The following EXOC4 variants were observed in gnomAD, a reference collection of about 807,000 sequenced individuals.
The protein encoded by EXOC4 is exocyst complex component 4.
In EXOC4, 71 loss-of-function variants were observed where a neutral mutation model predicts 107.2. The ratio of observed to expected loss-of-function variants is 0.66; its 90% CI spans 0.55 to 0.81. The LOEUF is 0.81. Ranked by LOEUF, EXOC4 falls within the 30% of genes least tolerant of loss-of-function variation. The probability of loss-of-function intolerance (pLI) is 0.00; values close to 1 mark genes in which losing one functional copy is unlikely to be tolerated. For synonymous variants in EXOC4, 456 were observed against 441.2 expected, an observed-to-expected ratio of 1.03 and a Z score of -0.42; for missense variants, 1,108 against 1,189.6, an observed-to-expected ratio of 0.93 and a Z score of 1.01.
chr7:134,005,689 C>G (rs187145595), intron 16 of EXOC4, among the ~76,000 whole-genome samples: 1 of 152,184 alleles, frequency 6.6e-6, no homozygotes, highest in Admixed American at 6.5e-5. Flanking sequence ...TGAATTTCAC[C>G]CAGAGGATCC....
At chr7:133,282,616 T>C (rs1021357295) in intron 2 of EXOC4, among the ~76,000 whole-genome samples, 5 of 152,220 alleles carry the variant, frequency 3.3e-5, no homozygotes, top group African/African-American at 1.2e-4. Flanking sequence ...ATAGCCCTGT[T>C]CCTATTAAAA....
At chr7:133,481,802 G>C (rs1298257713) in intron 9 of EXOC4, among the ~76,000 whole-genome samples, 1 of 152,190 alleles carries the variant, frequency 6.6e-6, no homozygotes, top group Admixed American at 6.5e-5. Context: ...AGTACAGACT[G>C]TCATTAGACC....
At chr7:133,937,222 C>A (rs995133764) in intron 13 of EXOC4, among the ~76,000 whole-genome samples, 1 of 152,128 alleles carries the variant, frequency 6.6e-6, no homozygotes, top group Non-Finnish European at 1.5e-5. Context: ...AGATATTGGG[C>A]TCTGCGTGAA....
intron 3 of EXOC4, among the ~76,000 whole-genome samples, chr7:133,293,087 G>A (rs1794443337): frequency 2.0e-5 from 3 of 152,224 alleles, no homozygotes; most frequent in East Asian, 3.9e-4. Context: ...ACATTTGTTA[G>A]CTTATTTCTT....
chr7:133,301,743 G>T (rs960141577), intron 3 of EXOC4, among the ~76,000 whole-genome samples: 1 of 151,952 alleles, frequency 6.6e-6, no homozygotes, highest in Admixed American at 6.6e-5. Flanking sequence ...TACTGATGTC[G>T]TTTATCTTTG....
intron 9 of EXOC4, among the ~76,000 whole-genome samples, chr7:133,610,692 T>C (rs568319452): frequency 6.6e-6 from 1 of 152,294 alleles, no homozygotes; most frequent in South Asian, 2.1e-4. Context: ...ACTCTTGTGA[T>C]TGCCTCACAG....
chr7:133,512,550 G>T (rs189936415), intron 9 of EXOC4, among the ~76,000 whole-genome samples: 2 of 152,236 alleles, frequency 1.3e-5, no homozygotes, highest in East Asian at 3.9e-4. Flanking sequence ...GCAAGAAAGG[G>T]CATGCCAAAC....
At chr7:133,587,843 A>G (rs1260865049) in intron 9 of EXOC4, among the ~76,000 whole-genome samples, 1 of 152,198 alleles carries the variant, frequency 6.6e-6, no homozygotes, top group Non-Finnish European at 1.5e-5. Flanking sequence ...TGTTGTTGCT[A>G]TTGCTTTTGT....
intron 10 of EXOC4, among the ~76,000 whole-genome samples, chr7:133,716,585 A>C (rs539123247): frequency 4.6e-5 from 7 of 152,270 alleles, no homozygotes; most frequent in East Asian, 1.9e-4. Flanking sequence ...AAATGCCCCC[A>C]AAAAAGAGCT....
chr7:133,911,162 T>C (rs1372636344), intron 12 of EXOC4, among the ~76,000 whole-genome samples: 1 of 152,186 alleles, frequency 6.6e-6, no homozygotes, highest in East Asian at 1.9e-4. Flanking sequence ...CTGTGGCTCA[T>C]TGAGCTGTGA....
At chr7:133,834,580 C>A (rs2151241771) in intron 11 of EXOC4, among the ~76,000 whole-genome samples, 1 of 152,296 alleles carries the variant, frequency 6.6e-6, no homozygotes, top group East Asian at 1.9e-4. Context: ...TCCTTTGTTC[C>A]AGTGTTCAAT....
At chr7:133,464,811 GTTTTTT>G (rs3046149) in intron 7 of EXOC4, among the ~76,000 whole-genome samples, 12 of 51,300 alleles carry the variant, frequency 2.3e-4, no homozygotes, top group African/African-American at 8.3e-4. Flanking sequence ...GGTTGGGTTG[GTTTTTT>G]TTTTTTTTTT....
intron 10 of EXOC4, among the ~76,000 whole-genome samples, chr7:133,803,198 T>C (rs1188308194): frequency 1.3e-5 from 2 of 152,208 alleles, no homozygotes; most frequent in African/African-American, 2.4e-5. Context: ...GCAAGTTTTA[T>C]CTGAGCCAGA....
chr7:134,032,823 A>G (rs1465705995), intron 17 of EXOC4, among the ~76,000 whole-genome samples: 1 of 152,232 alleles, frequency 6.6e-6, no homozygotes, highest in African/African-American at 2.4e-5. Context: ...GGTAACAAAT[A>G]AGCAATATTC....
At chr7:133,365,599 C>T (rs1796233265) in intron 6 of EXOC4, among the ~76,000 whole-genome samples, 1 of 152,136 alleles carries the variant, frequency 6.6e-6, no homozygotes, top group Non-Finnish European at 1.5e-5. Flanking sequence ...TTTTCTTGCT[C>T]TTTTCATAGA....
At chr7:133,730,514 C>T (rs751424252) in intron 10 of EXOC4, among the ~76,000 whole-genome samples, 2 of 152,014 alleles carry the variant, frequency 1.3e-5, no homozygotes, top group African/African-American at 2.4e-5. Flanking sequence ...TCTGATATAA[C>T]GAAAGTCAAC....
chr7:133,462,232 C>A (rs1798610780), intron 7 of EXOC4, among the ~76,000 whole-genome samples: 2 of 152,202 alleles, frequency 1.3e-5, no homozygotes, highest in African/African-American at 4.8e-5. Flanking sequence ...CCAGAAAAAA[C>A]ACACGGCATC....
chr7:134,015,698 A>C (rs1794889511), intron 17 of EXOC4, among the ~76,000 whole-genome samples: 1 of 151,936 alleles, frequency 6.6e-6, no homozygotes. Context: ...AACATGGTGA[A>C]ATCCCGTCTC....
intron 10 of EXOC4, among the ~76,000 whole-genome samples, chr7:133,789,889 A>C (rs1796668521): frequency 1.3e-5 from 2 of 152,212 alleles, no homozygotes; most frequent in South Asian, 4.1e-4. Context: ...TCTCCATCTT[A>C]GATGTAGTCA....
Sources: gnomAD v4.1 joint callset for allele counts (sites outside exome capture counted in the v4.1 genomes callset) on GRCh38, gnomAD v4.1.1 for gene constraint, MANE v1.5 for transcripts, NCBI Gene and HGNC (gene_info 2026-07-23, HGNC 2026-07-21) for gene names.